The following NALCN variants were observed in gnomAD, a reference collection of about 807,000 sequenced individuals.
NALCN encodes sodium leak channel NALCN.
Under a neutral mutation model 225.3 loss-of-function variants are expected in NALCN, and 111 were observed. The observed-to-expected ratio is 0.49, with a 90% CI of 0.42 to 0.58. The LOEUF is 0.58. Among genes scored for constraint, NALCN ranks in the 20% least tolerant of loss-of-function variants. The pLI, the probability that NALCN is intolerant of heterozygous loss-of-function variation, is 0.00. For synonymous variants in NALCN, 764 were observed against 769.0 expected (o/e 0.99, Z 0.11); for missense variants, 1,378 against 2,202.4 (o/e 0.63, Z 7.49).
At chr13:101,174,797 T>C (rs1594365614) in intron 15 of NALCN, among the ~76,000 whole-genome samples, 1 of 152,118 alleles carries the variant, frequency 6.6e-6, no homozygotes, top group Non-Finnish European at 1.5e-5. Flanking sequence ...AAAAATTGGA[T>C]ATTTTAAATT....
In NALCN at chr13:101,345,482, A is replaced by T. The variant is rs745418725; in HGVS notation, c.645-62T>A. The T allele has an allele frequency of 1.3e-4, 195 of 1,528,924 alleles. 1 individual carries two copies. The highest frequency in any genetic ancestry group is 2.1e-5 in the Non-Finnish European group (23 of 1,116,050). The allele number at this position is 1,528,924 out of a possible 1,614,324, so 94.7% of individuals were successfully genotyped here. Reference sequence around the variant, plus strand: ...CAATCATAAATGTTGATTACAATGAATAATGTAATTACCCTTCATTAATAT... The same window carrying T: ...CAATCATAAATGTTGATTACAATGATTAATGTAATTACCCTTCATTAATAT... On this transcript the variant is annotated intron_variant, in intron 6 of 43. Transcript: ENST00000251127.
At chr13:101,402,088 G>C (rs1194439708) in intron 1 of NALCN, among the ~76,000 whole-genome samples, 1 of 152,052 alleles carries the variant, frequency 6.6e-6, no homozygotes, top group Admixed American at 6.5e-5. Context: ...TCCTAGGTAA[G>C]TTTATTATTT....
intron 6 of NALCN, among the ~76,000 whole-genome samples, chr13:101,349,819 T>G (rs1381020706): frequency 6.6e-6 from 1 of 152,102 alleles, no homozygotes; most frequent in African/African-American, 2.4e-5. Context: ...CAACTGCTTA[T>G]TAGATTTCTC....
At chr13:101,142,321 T>C (rs1451615161) in intron 17 of NALCN, among the ~76,000 whole-genome samples, 1 of 151,902 alleles carries the variant, frequency 6.6e-6, no homozygotes, top group Non-Finnish European at 1.5e-5. Context: ...TTTGTATTTT[T>C]AGTAGAGATG....
chr13:101,081,044 A>G (rs574192749), intron 34 of NALCN, among the ~76,000 whole-genome samples: 1 of 152,294 alleles, frequency 6.6e-6, no homozygotes, highest in South Asian at 2.1e-4. Flanking sequence ...TAAATGTCTT[A>G]TAGAAAATGA....
intron 14 of NALCN, among the ~76,000 whole-genome samples, chr13:101,184,963 T>G (rs2600940): frequency 0.58 from 87,885 of 151,702 alleles, 25,667 homozygotes; most frequent in African/African-American, 0.63. Context: ...TCTTATTTTC[T>G]TCTTTGCTGT....
At chr13:101,156,970 G>A (rs2037933573) in intron 15 of NALCN, among the ~76,000 whole-genome samples, 1 of 152,094 alleles carries the variant, frequency 6.6e-6, no homozygotes, top group Non-Finnish European at 1.5e-5. Flanking sequence ...GTTGATAAAA[G>A]GGCTTATTAG....
chr13:101,308,429 T>C (rs1343372265), intron 7 of NALCN, among the ~76,000 whole-genome samples: 1 of 152,002 alleles, frequency 6.6e-6, no homozygotes, highest in African/African-American at 2.4e-5. Context: ...ACTTGGAGAG[T>C]AAGTGTTGAG....
chr13:101,298,238 T>C (rs574278555), intron 7 of NALCN, among the ~76,000 whole-genome samples: 7 of 152,206 alleles, frequency 4.6e-5, no homozygotes, highest in Non-Finnish European at 1.0e-4. Flanking sequence ...GTACAACTTG[T>C]TCAAGATGGG....
chr13:101,123,161 T>C (rs2036062333), intron 18 of NALCN, among the ~76,000 whole-genome samples: 2 of 152,254 alleles, frequency 1.3e-5, no homozygotes, highest in Non-Finnish European at 2.9e-5. Flanking sequence ...TGTTTCTGCA[T>C]CTGCCTTGGA....
chr13:101,263,057 T>C (rs955826498), intron 10 of NALCN, among the ~76,000 whole-genome samples: 4 of 152,236 alleles, frequency 2.6e-5, no homozygotes, highest in Admixed American at 2.6e-4. Flanking sequence ...TTAATTATGT[T>C]GCATATCAGA....
chr13:101,289,243 T>A (rs2043457015), intron 9 of NALCN, among the ~76,000 whole-genome samples: 1 of 152,134 alleles, frequency 6.6e-6, no homozygotes, highest in Admixed American at 6.6e-5. Context: ...TATTTAGTAA[T>A]TTGAAATTTT....
At chr13:101,401,597 T>C (rs1173893726) in intron 1 of NALCN, among the ~76,000 whole-genome samples, 1 of 152,228 alleles carries the variant, frequency 6.6e-6, no homozygotes, top group Non-Finnish European at 1.5e-5. Flanking sequence ...TTTTTGATTA[T>C]GGATTTGTTT....
At chr13:101,260,011 TC>T (rs2042373432) in intron 10 of NALCN, among the ~76,000 whole-genome samples, 1 of 151,602 alleles carries the variant, frequency 6.6e-6, no homozygotes, top group Admixed American at 6.6e-5. Context: ...CATCCCTGCC[TC>T]CCCCCGTCCC....
Position 101,259,819 on chromosome 13 carries a change from G to C in NALCN, c.1135-1245C>G, listed in dbSNP as rs531770045. ...GGAGTACACAAGATGTTTTGATACAGGCATGCAATGGGGAATAAGCATATC... is the reference window on the plus strand; with the variant it reads ...GGAGTACACAAGATGTTTTGATACACGCATGCAATGGGGAATAAGCATATC... On this transcript the variant is annotated intron_variant, in intron 10 of 43. Coordinates refer to ENST00000251127, the MANE Select transcript of NALCN (RefSeq NM_052867.4). 4.6e-4 allele frequency among the ~76,000 whole-genome samples: 68 copies of C among 149,136 alleles called. 2 individuals are homozygous for C. The highest frequency in any genetic ancestry group is 1.6e-3 in the African/African-American group (65 of 40,718).
chr13:101,378,615 A>G lies in NALCN; in HGVS notation c.330T>C (p.Phe110=). The G allele has an allele frequency of 6.2e-7, 1 of 1,610,582 alleles. No homozygotes were observed. Among genetic ancestry groups the G allele is most frequent in the Non-Finnish European group, 8.5e-7 (1 of 1,177,990 alleles). Residue 110 remains phenylalanine (F), a synonymous_variant, in exon 4 of 44, where the codon TTT becomes TTC. Transcript: ENST00000251127. ...SSYVKDRWCV[F]DGFMVFCLWV... ...AAAGGCAAAAGACCATAAATCCATC[A>G]AAAACACACCAGCGATCTTTCACAT...
At chr13:101,100,987 A>G (rs1402093620) in intron 26 of NALCN, 99 bp from the exon 27 acceptor site, 5 of 918,472 alleles carry the variant, frequency 5.4e-6, no homozygotes, top group Non-Finnish European at 7.9e-6. Flanking sequence ...ATAACATTGT[A>G]TAAAAATCAT....
intron 33 of NALCN, 56 bp downstream of exon 33, chr13:101,082,753 A>T: frequency 1.3e-6 from 2 of 1,573,472 alleles, no homozygotes; most frequent in Non-Finnish European, 1.7e-6. Context: ...AGGGAGGCTG[A>T]TTTACTTTAA....
At chr13:101,138,460 T>C (rs956375803) in intron 17 of NALCN, among the ~76,000 whole-genome samples, 1 of 152,232 alleles carries the variant, frequency 6.6e-6, no homozygotes, top group Non-Finnish European at 1.5e-5. Context: ...TGCCCTACTG[T>C]CAGAGAAAAT....
Sources: gnomAD v4.1 joint callset for allele counts (sites outside exome capture counted in the v4.1 genomes callset) on GRCh38, gnomAD v4.1.1 for gene constraint, MANE v1.5 for transcripts, NCBI Gene and HGNC (gene_info 2026-07-23, HGNC 2026-07-21) for gene names.